The following NCOA7 variants were observed in gnomAD, a reference collection of about 807,000 sequenced individuals.
The protein encoded by NCOA7 is 140 kDa estrogen receptor-associated protein.
In NCOA7, 45 loss-of-function variants were observed where a neutral mutation model predicts 104.3. The observed-to-expected ratio is 0.43, with a 90% CI of 0.34 to 0.55. The LOEUF is 0.55. NCOA7 is among the 20% of genes least tolerant of loss of function. The probability of loss-of-function intolerance (pLI) is 0.02; values close to 1 mark genes in which losing one functional copy is unlikely to be tolerated. For missense variants in NCOA7, 1,041 were observed against 1,119.7 expected (o/e 0.93, Z 1.00); for synonymous variants, 398 against 402.3 (o/e 0.99, Z 0.13).
At chr6:125,881,617 G>C (rs1783830252) in intron 6 of NCOA7, among the ~76,000 whole-genome samples, 1 of 148,538 alleles carries the variant, frequency 6.7e-6, no homozygotes, top group African/African-American at 2.5e-5. Flanking sequence ...GCTGTGGTGA[G>C]CCATGATCGT....
intron 10 of NCOA7, 139 bp from the exon 11 acceptor site, chr6:125,915,194 C>A (rs1182712921): frequency 2.9e-6 from 3 of 1,039,630 alleles, no homozygotes; most frequent in Non-Finnish European, 4.2e-6. Context: ...GTAGAGATAA[C>A]CTTGATAATG....
chr6:125,828,156 A>G (rs964286333), intron 2 of NCOA7, among the ~76,000 whole-genome samples: 2 of 152,254 alleles, frequency 1.3e-5, no homozygotes, highest in African/African-American at 4.8e-5. Flanking sequence ...AACAGAACTA[A>G]AGAATGGGAA....
chr6:125,865,328 G>C (rs17053617), intron 3 of NCOA7, among the ~76,000 whole-genome samples: 20,024 of 137,052 alleles, frequency 0.15, 5,066 homozygotes, highest in African/African-American at 0.29. Flanking sequence ...TTTAAGCCTT[G>C]CATTTTAGAT....
In NCOA7 at chr6:125,865,583, C is replaced by T. The variant is rs1309944199; in HGVS notation, c.272-9306C>T. ...AACAATACTGAATGTTTTAATTGTG[C>T]TTTTTATAGAGTCAGGTCAATAATT... On this transcript the variant is annotated intron_variant, in intron 3 of 15. Transcript: ENST00000392477. 7.3e-5 allele frequency among the ~76,000 whole-genome samples: 10 copies of T among 136,120 alleles called. 1 individual carries two copies. The highest frequency in any genetic ancestry group is 7.0e-4 in the Admixed American group (10 of 14,378). The allele number at this position is 136,120 out of a possible 152,430, so 89.3% of individuals were successfully genotyped here.
At chr6:125,827,591 T>C (rs2128587925) in intron 2 of NCOA7, among the ~76,000 whole-genome samples, 1 of 152,286 alleles carries the variant, frequency 6.6e-6, no homozygotes, top group African/African-American at 2.4e-5. Flanking sequence ...TTAAAGGTCA[T>C]TTAATACTCA....
chr6:125,875,803 T>C (rs765276997), intron 4 of NCOA7, among the ~76,000 whole-genome samples: 3 of 152,256 alleles, frequency 2.0e-5, no homozygotes, highest in Admixed American at 6.5e-5. Flanking sequence ...CATCTCTTTG[T>C]TCACCATTAT....
intron 2 of NCOA7, among the ~76,000 whole-genome samples, chr6:125,838,898 G>A (rs759575573): frequency 1.3e-5 from 2 of 152,024 alleles, no homozygotes; most frequent in Non-Finnish European, 2.9e-5. Flanking sequence ...TGGAAGAGAG[G>A]CAGAGGGCAA....
At chr6:125,886,842 G>A (rs1784302779) in intron 8 of NCOA7, among the ~76,000 whole-genome samples, 1 of 152,242 alleles carries the variant, frequency 6.6e-6, no homozygotes. Flanking sequence ...GTGGGTATGT[G>A]TAAAACTCCT....
chr6:125,897,646 A>C (rs1785145055), intron 10 of NCOA7, among the ~76,000 whole-genome samples: 10 of 152,164 alleles, frequency 6.6e-5, no homozygotes, highest in Admixed American at 6.5e-4. Context: ...TAAATTCTTT[A>C]CTATAGTAAA....
rs762382381 is a variant in NCOA7 at position 125,885,178 on chromosome 6, T to C, written c.719T>C (p.Met240Thr). ...TDGKGVVGGV[M>T]IVTPNNIMFD... ...CTGCAGGGTGTGGTTGGCGGTGTTA[T>C]GATAGTGACTCCTAACAACATCATG... The change falls in exon 8 of 16, where the codon ATG (methionine) becomes ACG (threonine). Residue 240 changes from methionine (M) to threonine (T), a missense_variant. Coordinates refer to ENST00000392477, the MANE Select transcript of NCOA7 (RefSeq NM_181782.5). 1 of 1,614,028 alleles carries C rather than the reference T, an allele frequency of 6.2e-7. No homozygotes were observed. The highest frequency in any genetic ancestry group is 8.5e-7 in the Non-Finnish European group (1 of 1,179,924).
intron 1 of NCOA7, among the ~76,000 whole-genome samples, chr6:125,782,627 T>C (rs1251539226): frequency 1.3e-5 from 2 of 152,236 alleles, no homozygotes; most frequent in Admixed American, 1.3e-4. Flanking sequence ...CCTTTTTGAA[T>C]AGTGGAGGAC....
rs1290670667 is a variant in NCOA7, at chr6:125,855,139, T to C, written c.170T>C (p.Ile57Thr). ...GTTTTAGAGCCAGACAAGTGCAACA[T>C]TGCTGTGGAAGAGGAATATATGACT... ...TVVLEPDKCN[I>T]AVEEEYMTDE... The change falls in exon 3 of 16, where the codon ATT (isoleucine) becomes ACT (threonine). Residue 57 changes from isoleucine to threonine, a missense_variant. Coordinates refer to ENST00000392477, the MANE Select transcript of NCOA7 (RefSeq NM_181782.5). 6.2e-7 allele frequency: 1 copy of C among 1,613,344 alleles called. No individual in the cohort carries two copies. The highest frequency in any genetic ancestry group is 2.2e-5 in the East Asian group (1 of 44,842).
chr6:125,835,505 T>C (rs1307908876), intron 2 of NCOA7, among the ~76,000 whole-genome samples: 1 of 152,264 alleles, frequency 6.6e-6, no homozygotes, highest in Non-Finnish European at 1.5e-5. Flanking sequence ...TCAGTTTGTC[T>C]GTATCTAAAT....
chr6:125,855,411 A>G, intron 3 of NCOA7, 171 bp downstream of exon 3: 1 of 557,446 alleles, frequency 1.8e-6, no homozygotes, highest in South Asian at 2.3e-5. Context: ...GATCACACTA[A>G]AATAATGTCT....
chr6:125,822,888 T>C (rs1420702067), intron 2 of NCOA7, among the ~76,000 whole-genome samples: 1 of 150,982 alleles, frequency 6.6e-6, no homozygotes, highest in East Asian at 1.9e-4. Flanking sequence ...TGACCCGAGA[T>C]TGCTCTACTG....
At chr6:125,848,920 G>T (rs1780868393) in intron 2 of NCOA7, among the ~76,000 whole-genome samples, 1 of 152,188 alleles carries the variant, frequency 6.6e-6, no homozygotes, top group Non-Finnish European at 1.5e-5. Flanking sequence ...TGAAATGGCT[G>T]TTTGTAGAAG....
rs764720234 is a variant in NCOA7 at position 125,889,751 on chromosome 6, A to T, written c.1697A>T (p.Gln566Leu). Residue 566 changes from glutamine (Q) to leucine (L), a missense_variant, in exon 9 of 16, where the codon CAG becomes CTG. Coordinates refer to ENST00000392477, the MANE Select transcript of NCOA7 (RefSeq NM_181782.5). ...IDITLSSSLS[Q>L]AGDPITEGNK... ...ATTACCCTTAGTAGTTCTCTTTCCC[A>T]GGCGGGTGATCCCATAACTGAGGGC... 1.2e-6 allele frequency: 2 copies of T among 1,612,638 alleles called. No individual in the cohort carries two copies. Among genetic ancestry groups the T allele is most frequent in the East Asian group, 4.5e-5 (2 of 44,880 alleles).
rs191871228 is a variant in NCOA7 at position 125,821,388 on chromosome 6, C to G, written c.50+5984C>G. 1.7e-3 allele frequency among the ~76,000 whole-genome samples: 259 copies of G among 152,222 alleles called. 1 individual carries two copies. Among genetic ancestry groups the G allele is most frequent in the Non-Finnish European group, 2.6e-3 (174 of 68,024 alleles). ...TGAACTCAGGTCTTCCCTTCTCCAT[C>G]CAGAGCTTATGCTCTGCAGTGCTGC... On this transcript the variant is annotated intron_variant, in intron 2 of 15. Coordinates refer to ENST00000392477, the MANE Select transcript of NCOA7 (RefSeq NM_181782.5).
At chr6:125,819,121 TTCC>T (rs1448605859) in intron 2 of NCOA7, among the ~76,000 whole-genome samples, 2 of 152,138 alleles carry the variant, frequency 1.3e-5, no homozygotes, top group African/African-American at 4.8e-5. Flanking sequence ...CACCTAGTTT[TTCC>T]TCCTGAGTAG....
Sources: gnomAD v4.1 joint callset for allele counts (sites outside exome capture counted in the v4.1 genomes callset) on GRCh38, gnomAD v4.1.1 for gene constraint, MANE v1.5 for transcripts, NCBI Gene and HGNC (gene_info 2026-07-23, HGNC 2026-07-21) for gene names.